Variants in PADI2 observed in about 807,000 individuals in gnomAD.
PADI2 encodes the protein protein-arginine deiminase type-2.
In PADI2, 70 loss-of-function variants were observed where a neutral mutation model predicts 81.1. The ratio of observed to expected loss-of-function variants is 0.86; its 90% CI spans 0.71 to 1.05. PADI2 has a LOEUF of 1.05. Among genes scored for constraint, PADI2 ranks in the 50% least tolerant of loss-of-function variants. PADI2 has a pLI of 0.00. For synonymous variants in PADI2, 338 were observed against 358.0 expected (o/e 0.94, Z 0.63); for missense variants, 853 against 889.9 (o/e 0.96, Z 0.53).
chr1:17,107,610 A>G (rs1049233147), intron 1 of PADI2, among the ~76,000 whole-genome samples: 2 of 152,230 alleles, frequency 1.3e-5, no homozygotes, highest in Admixed American at 6.5e-5. Context: ...TTTGAGAACC[A>G]CTGGTCCAGA....
At chr1:17,076,895 G>C (rs906317062) in intron 11 of PADI2, among the ~76,000 whole-genome samples, 6 of 152,034 alleles carry the variant, frequency 3.9e-5, no homozygotes, top group African/African-American at 1.5e-4. Flanking sequence ...CTCATTTCTA[G>C]ACCCCCCAAG....
intron 6 of PADI2, among the ~76,000 whole-genome samples, chr1:17,087,710 G>A (rs918705111): frequency 6.6e-6 from 1 of 152,054 alleles, no homozygotes; most frequent in African/African-American, 2.4e-5. Context: ...TCGCCATCTT[G>A]GTCAGGCTGG....
chr1:17,096,835 C>T (rs1396447559), intron 3 of PADI2, among the ~76,000 whole-genome samples: 1 of 152,238 alleles, frequency 6.6e-6, no homozygotes, highest in African/African-American at 2.4e-5. Flanking sequence ...TTCCTGGTTA[C>T]AGCAGATGCA....
intron 1 of PADI2, among the ~76,000 whole-genome samples, chr1:17,117,033 TA>T (rs1159528320): frequency 6.6e-6 from 1 of 152,168 alleles, no homozygotes; most frequent in Admixed American, 6.5e-5. Context: ...TGGGGGTTGC[TA>T]CTGGCATCTA....
At chr1:17,071,304 C>A in intron 14 of PADI2, 102 bp downstream of exon 14, 1 of 819,432 alleles carries the variant, frequency 1.2e-6, no homozygotes, top group African/African-American at 1.7e-5. Flanking sequence ...TCAGGAGCTC[C>A]TGAGCCCTTG....
chr1:17,093,218 C>G (rs562023682), intron 5 of PADI2, among the ~76,000 whole-genome samples: 2 of 151,984 alleles, frequency 1.3e-5, no homozygotes, highest in African/African-American at 4.8e-5. Flanking sequence ...GCCTCAGCCT[C>G]CTGAGTAGTT....
intron 13 of PADI2, among the ~76,000 whole-genome samples, chr1:17,074,275 C>G (rs1195641632): frequency 6.6e-6 from 1 of 151,852 alleles, no homozygotes; most frequent in African/African-American, 2.4e-5. Flanking sequence ...GCCTGTAATC[C>G]CAGCTACTTG....
rs116933693 is a variant in PADI2 at position 17,086,912 on chromosome 1, T to G, written c.656-213A>C. Among the ~76,000 whole-genome samples, 120 of 152,338 alleles carry G rather than the reference T, an allele frequency of 7.9e-4. 3 individuals carry two copies. In the East Asian group the frequency reaches 0.02, roughly 25 times the overall value. On this transcript the variant is annotated intron_variant, in intron 6 of 15. Transcript: ENST00000375486. The stretch of plus-strand genomic sequence containing the variant: ...GGCTGTGTGGCGCTTTGCCAGACAG[T>G]CACCCTCTCTGGCTTTTGGCTTCCC...
intron 6 of PADI2, among the ~76,000 whole-genome samples, chr1:17,087,204 A>C (rs1285665839): frequency 6.6e-6 from 1 of 152,174 alleles, no homozygotes; most frequent in Non-Finnish European, 1.5e-5. Context: ...AATTCCCTCC[A>C]TATCATGGAA....
chr1:17,082,787 C>T (rs936313175), intron 9 of PADI2, 135 bp from the exon 10 acceptor site: 1 of 605,192 alleles, frequency 1.7e-6, no homozygotes, highest in African/African-American at 1.9e-5. Flanking sequence ...GTCCCCCATC[C>T]TCCTCCCCTC....
At chr1:17,112,616 A>G (rs1050016526) in intron 1 of PADI2, among the ~76,000 whole-genome samples, 2 of 151,788 alleles carry the variant, frequency 1.3e-5, no homozygotes, top group African/African-American at 4.8e-5. Flanking sequence ...CTCAGTCCAG[A>G]CCTCACACCT....
At chr1:17,116,095 TC>T (rs1931750492) in intron 1 of PADI2, among the ~76,000 whole-genome samples, 1 of 152,182 alleles carries the variant, frequency 6.6e-6, no homozygotes, top group Admixed American at 6.5e-5. Context: ...ACAAGATCCT[TC>T]CTCCTGTTCT....
chr1:17,081,494 G>A (rs1484978607), intron 10 of PADI2, among the ~76,000 whole-genome samples: 1 of 152,210 alleles, frequency 6.6e-6, no homozygotes, highest in Non-Finnish European at 1.5e-5. Context: ...ATCTCCTTGT[G>A]AACAGGGCAC....
intron 1 of PADI2, among the ~76,000 whole-genome samples, chr1:17,116,573 GAGACAC>G (rs1490275429): frequency 5.3e-5 from 8 of 152,160 alleles, no homozygotes; most frequent in Non-Finnish European, 1.2e-4. Flanking sequence ...CAGGGTGGAA[GAGACAC>G]AGGCTGAGAG....
chr1:17,119,388 C>T lies in PADI2; in HGVS notation c.-17G>A, dbSNP rs746000023. 8.5e-6 allele frequency: 13 copies of T among 1,520,694 alleles called. No homozygotes were observed. Among genetic ancestry groups the T allele is most frequent in the Admixed American group, 2.1e-5 (1 of 47,736 alleles). The allele number at this position is 1,520,694 out of a possible 1,614,324, so 94.2% of individuals were successfully genotyped here. A position where few individuals can be genotyped will look rare whatever the true frequency, so the allele number is the denominator to read the frequency against. ...GCGCAGCATCCTCCCCGCCGCAGTG[C>T]CCGCGCTCGCTGGTCCGGGGCGGCC... On this transcript the variant is annotated 5_prime_UTR_variant, in exon 1 of 16. Transcript: ENST00000375486. This position sits in a 1 kb window ranked among gnomAD's most constrained non-coding sequence, Gnocchi z 4.8.
intron 3 of PADI2, among the ~76,000 whole-genome samples, chr1:17,098,978 C>G (rs2235912): frequency 0.54 from 82,880 of 152,106 alleles, 23,125 homozygotes; most frequent in Non-Finnish European, 0.62. Flanking sequence ...AGGCTCCAGA[C>G]GACATTTCCC....
intron 1 of PADI2, among the ~76,000 whole-genome samples, chr1:17,106,016 G>A (rs899102477): frequency 6.6e-6 from 1 of 152,116 alleles, no homozygotes; most frequent in Non-Finnish European, 1.5e-5. Flanking sequence ...AGCTGGGCCT[G>A]GAACCCTGTC....
In PADI2 at chr1:17,083,940, C is replaced by G. The variant is rs529541778; in HGVS notation, c.939-103G>C. 9.0e-6 allele frequency: 7 copies of G among 778,078 alleles called. No individual in the cohort carries two copies. In the East Asian group the frequency reaches 1.7e-4, roughly 19 times the overall value. The allele number at this position is 778,078 out of a possible 1,614,324, so 48.2% of individuals were successfully genotyped here. On this transcript the variant is annotated intron_variant, in intron 8 of 15. Transcript: ENST00000375486. ...AGCAGCTGGTATCTCTGGGCTGTGC[C>G]GGGCAGATCAGTCTACACCTGTGCT...
chr1:17,108,307 G>C (rs534139060), intron 1 of PADI2, among the ~76,000 whole-genome samples: 2 of 152,168 alleles, frequency 1.3e-5, no homozygotes, highest in South Asian at 4.1e-4. Flanking sequence ...AAGGGTGCAC[G>C]TGCAGAGGAC....
Sources: gnomAD v4.1 joint callset for allele counts (sites outside exome capture counted in the v4.1 genomes callset) on GRCh38, gnomAD v4.1.1 for gene constraint, Gnocchi (gnomAD v3.1) non-coding constraint, MANE v1.5 for transcripts, NCBI Gene and HGNC (gene_info 2026-07-23, HGNC 2026-07-21) for gene names.